Variants in COG3 observed in about 807,000 individuals in gnomAD.
COG3 encodes the protein conserved oligomeric Golgi complex subunit 3.
In COG3, 32 loss-of-function variants were observed where a neutral mutation model predicts 114.1. That is an observed-to-expected ratio of 0.28 (90% confidence interval 0.21 to 0.38). The LOEUF is 0.38. Among genes scored for constraint, COG3 ranks in the 10% least tolerant of loss-of-function variants. The probability of loss-of-function intolerance (pLI) is 1.00; values close to 1 mark genes in which losing one functional copy is unlikely to be tolerated. For missense variants in COG3, 813 were observed against 973.2 expected (o/e 0.84, Z 2.19); for synonymous variants, 352 against 365.7 (o/e 0.96, Z 0.43).
At chr13:45,467,786 C>T (rs1885240819) in intron 1 of COG3, among the ~76,000 whole-genome samples, 1 of 152,120 alleles carries the variant, frequency 6.6e-6, no homozygotes, top group South Asian at 2.1e-4. Context: ...AAGAGAGTGC[C>T]ACAATTTTCA....
At position 45,530,928 on chromosome 13, in the gene COG3, G is replaced by T. The variant is rs1389698416; in HGVS notation, c.2457+148G>T. 5 of 1,323,312 alleles carry T rather than the reference G, an allele frequency of 3.8e-6. No homozygotes were observed. In the African/African-American group the frequency reaches 7.4e-5, roughly 19 times the overall value. 82.0% of individuals were successfully genotyped at this position (1,323,312 alleles called of 1,614,324 possible). A position where few individuals can be genotyped will look rare whatever the true frequency, so the allele number is the denominator to read the frequency against. On this transcript the variant is annotated intron_variant, in intron 22 of 22. Transcript: ENST00000349995. Reference sequence around the variant, plus strand: ...TCTGATGAGTAAGAATTCAGCCTTTGAATTGTTCTCTCAAACTTTTGGGGG... The same window carrying T: ...TCTGATGAGTAAGAATTCAGCCTTTTAATTGTTCTCTCAAACTTTTGGGGG...
chr13:45,531,133 T>A (rs1008568532), intron 22 of COG3: 15 of 943,274 alleles, frequency 1.6e-5, no homozygotes, highest in African/African-American at 3.6e-5. Context: ...TTTAAAAAAA[T>A]TTTTGATTTT....
Position 45,486,594 on chromosome 13 carries a change from C to T in COG3, c.924+19C>T, listed in dbSNP as rs767402642. On this transcript the variant is annotated intron_variant, in intron 8 of 22. Coordinates refer to ENST00000349995, the MANE Select transcript of COG3 (RefSeq NM_031431.4). ...AGTCAGAGTAAGTCTATTGACATAA[C>T]TAGGACATTGCTATGAAATTTGTTC... 7.0e-7 allele frequency: 1 copy of T among 1,436,414 alleles called. No individual in the cohort carries two copies. Among genetic ancestry groups the T allele is most frequent in the South Asian group, 1.1e-5 (1 of 87,490 alleles). The allele number at this position is 1,436,414 out of a possible 1,614,324, so 89.0% of individuals were successfully genotyped here.
At chr13:45,496,440 G>C in intron 13 of COG3, 128 bp downstream of exon 13, 1 of 650,524 alleles carries the variant, frequency 1.5e-6, no homozygotes, top group Non-Finnish European at 2.1e-6. Flanking sequence ...GGCTGGTCTC[G>C]AACTCCTGAG....
chr13:45,503,107 A>G (rs1197784351), intron 13 of COG3, 137 bp from the exon 14 acceptor site: 1 of 437,784 alleles, frequency 2.3e-6, no homozygotes, highest in Non-Finnish European at 4.1e-6. Context: ...AATATTCAGA[A>G]TGTATCCAGT....
rs375530968 is a variant in COG3, at chr13:45,496,742, C to T, written c.1488+430C>T. Among the ~76,000 whole-genome samples the T allele has an allele frequency of 6.6e-5, 10 of 151,230 alleles. No individual in the cohort carries two copies. In the East Asian group the frequency reaches 9.8e-4, roughly 15 times the overall value. On this transcript the variant is annotated intron_variant, in intron 13 of 22. Coordinates refer to ENST00000349995, the MANE Select transcript of COG3 (RefSeq NM_031431.4). ...AGGCTGGAGTACAGTGGTGTGATCT[C>T]GGCTCACTGCAACTTCTGCCTCACG...
chr13:45,479,093 A>G (rs1197742255), intron 3 of COG3, 27 bp downstream of exon 3: 2 of 1,511,834 alleles, frequency 1.3e-6, no homozygotes, highest in African/African-American at 1.4e-5. Context: ...CATTTGTTGA[A>G]TATCTTAATT....
intron 1 of COG3, 99 bp from the exon 2 acceptor site, chr13:45,476,102 C>A (rs1391834868): frequency 1.8e-6 from 2 of 1,094,698 alleles, no homozygotes; most frequent in Non-Finnish European, 2.7e-6. Flanking sequence ...GAAAATATTT[C>A]TTTCTCTTTC....
chr13:45,478,752 G>C (rs942199990), intron 2 of COG3, among the ~76,000 whole-genome samples: 4 of 152,218 alleles, frequency 2.6e-5, no homozygotes, highest in Non-Finnish European at 4.4e-5. Context: ...GCCTCCCAAA[G>C]TGCTGGGATT....
chr13:45,523,913 CTA>C (rs964399273), intron 19 of COG3, among the ~76,000 whole-genome samples: 1 of 151,972 alleles, frequency 6.6e-6, no homozygotes, highest in African/African-American at 2.4e-5. Context: ...TGTCTAGTAT[CTA>C]TAATATATAT....
chr13:45,528,777 C>T (rs1316509823), intron 20 of COG3, among the ~76,000 whole-genome samples: 1 of 152,184 alleles, frequency 6.6e-6, no homozygotes, highest in African/African-American at 2.4e-5. Context: ...ATCACTATAG[C>T]ATGATTTCTT....
At chr13:45,488,661 G>C (rs763345751) in intron 8 of COG3, among the ~76,000 whole-genome samples, 1 of 151,912 alleles carries the variant, frequency 6.6e-6, no homozygotes, top group Non-Finnish European at 1.5e-5. Context: ...CATGAGGTTG[G>C]GTATGTGCCT....
chr13:45,528,501 G>A (rs985267483), intron 20 of COG3, among the ~76,000 whole-genome samples: 2 of 152,046 alleles, frequency 1.3e-5, no homozygotes, highest in Non-Finnish European at 2.9e-5. Flanking sequence ...TTTTTACATG[G>A]TATATTATTT....
Position 45,513,211 on chromosome 13 carries a change from TA to T in COG3, c.1809+1360del, listed in dbSNP as rs1871078147. Among the ~76,000 whole-genome samples the T allele has an allele frequency of 8.1e-5, 4 of 49,568 alleles. No homozygotes were observed. The Admixed American group carries it at 1.3e-3, about 16-fold the overall frequency. The allele number at this position is 49,568 out of a possible 152,430, so 32.5% of individuals were successfully genotyped here. On this transcript the variant is annotated intron_variant, in intron 16 of 22. Coordinates refer to ENST00000349995, the MANE Select transcript of COG3 (RefSeq NM_031431.4). Reference sequence around the variant, plus strand: ...TATATATATATATAATATATACATATAAATTATATATATATAATATATACAT... The same window carrying T: ...TATATATATATATAATATATACATATAATTATATATATATAATATATACAT...
At chr13:45,513,202 ATATACATATAAATTATATATATATAATAT>A (rs1871077186) in intron 16 of COG3, among the ~76,000 whole-genome samples, 2 of 90,548 alleles carry the variant, frequency 2.2e-5, no homozygotes. Flanking sequence ...TATATATAAT[ATATACATATAAATTATATATATATAATAT>A]ATACATATAA....
chr13:45,468,047 T>C (rs1885254933), intron 1 of COG3, among the ~76,000 whole-genome samples: 1 of 152,256 alleles, frequency 6.6e-6, no homozygotes, highest in Non-Finnish European at 1.5e-5. Flanking sequence ...TACAATAGAA[T>C]ATTAGGTAGA....
chr13:45,536,296 G>T lies in COG3; in HGVS notation c.*1565G>T, dbSNP rs1873543398. ...TAATAGCCTTTCCAAAGAAATGAGG[G>T]CATGATTATTGTACAGTAAGTACGT... On this transcript the variant is annotated 3_prime_UTR_variant, in exon 23 of 23. Transcript: ENST00000349995. The T allele has an allele frequency of 1.3e-5, 2 of 152,124 alleles. No homozygotes were observed. The highest frequency in any genetic ancestry group is 4.1e-4 in the South Asian group (2 of 4,820). The allele number at this position is 152,124 out of a possible 1,614,324, so 9.4% of individuals were successfully genotyped here. A position where few individuals can be genotyped will look rare whatever the true frequency, so the allele number is the denominator to read the frequency against.
chr13:45,466,253 G>C (rs1885132493), intron 1 of COG3, among the ~76,000 whole-genome samples: 1 of 152,138 alleles, frequency 6.6e-6, no homozygotes, highest in Admixed American at 6.6e-5. Flanking sequence ...TGTCCAGGCT[G>C]TTCTCGAACT....
At chr13:45,478,560 C>T (rs991455974) in intron 2 of COG3, among the ~76,000 whole-genome samples, 3 of 151,734 alleles carry the variant, frequency 2.0e-5, no homozygotes, top group Non-Finnish European at 2.9e-5. Context: ...GTGATCTTGG[C>T]TCACTGCAAC....
Sources: allele counts gnomAD v4.1 joint callset (sites outside exome capture counted in the v4.1 genomes callset), GRCh38; gene constraint gnomAD v4.1.1; transcripts MANE v1.5; gene names NCBI Gene and HGNC (gene_info 2026-07-23, HGNC 2026-07-21).